Variants in KATNIP observed in about 807,000 individuals in gnomAD.
KATNIP encodes katanin interacting protein, also known as katanin-interacting protein.
Under a neutral mutation model 174.0 loss-of-function variants are expected in KATNIP, and 126 were observed. The ratio of observed to expected loss-of-function variants is 0.72; its 90% CI spans 0.63 to 0.84. The LOEUF (loss-of-function observed/expected upper bound fraction) is 0.84. Among genes scored for constraint, KATNIP ranks in the 40% least tolerant of loss-of-function variants. KATNIP has a pLI of 0.00. For synonymous variants in KATNIP, 810 were observed against 835.7 expected (o/e 0.97, Z 0.53); for missense variants, 1,958 against 2,109.7 (o/e 0.93, Z 1.41).
At chr16:27,614,545 G>A (rs1777019492) in intron 2 of KATNIP, among the ~76,000 whole-genome samples, 1 of 152,186 alleles carries the variant, frequency 6.6e-6, no homozygotes, top group South Asian at 2.1e-4. Context: ...CTGGCCTGAA[G>A]CAGTCCTCCT....
chr16:27,661,292 G>C (rs915703757), intron 6 of KATNIP, among the ~76,000 whole-genome samples: 1 of 152,148 alleles, frequency 6.6e-6, no homozygotes, highest in Non-Finnish European at 1.5e-5. Context: ...GGGGATAGTA[G>C]CAGACAATCA....
chr16:27,713,813 T>TAC (rs2079772699), intron 13 of KATNIP, among the ~76,000 whole-genome samples: 1 of 20,708 alleles, frequency 4.8e-5, no homozygotes, highest in African/African-American at 3.4e-4. Context: ...TATATACATA[T>TAC]ATATATATAT....
chr16:27,758,480 A>G (rs1477689156), intron 18 of KATNIP, among the ~76,000 whole-genome samples: 2 of 152,168 alleles, frequency 1.3e-5, no homozygotes, highest in African/African-American at 2.4e-5. Flanking sequence ...TGGGAGCTTT[A>G]TAAGATGCAG....
chr16:27,589,526 T>C (rs2075103919), intron 2 of KATNIP, among the ~76,000 whole-genome samples: 1 of 152,220 alleles, frequency 6.6e-6, no homozygotes, highest in African/African-American at 2.4e-5. Context: ...TTGTTTGGCT[T>C]ATGTGGTGGG....
In KATNIP at chr16:27,780,284, A is replaced by C. The variant is rs770755148; in HGVS notation, c.*1655A>C. The C allele has an allele frequency of 1.3e-4, 20 of 152,174 alleles. No individual in the cohort carries two copies. The highest frequency in any genetic ancestry group is 2.4e-4 in the Non-Finnish European group (16 of 68,034). The allele number at this position is 152,174 out of a possible 1,614,324, so 9.4% of individuals were successfully genotyped here. On this transcript the variant is annotated 3_prime_UTR_variant, in exon 28 of 28. Coordinates refer to ENST00000261588, the MANE Select transcript of KATNIP (RefSeq NM_015202.5). Reference sequence around the variant, plus strand: ...TATGTACTGTGCAATTTAGGAGGGGAAAAAAAGGCTGTACAAGCTTTAACT... The same window carrying C: ...TATGTACTGTGCAATTTAGGAGGGGCAAAAAAGGCTGTACAAGCTTTAACT...
At chr16:27,692,617 G>A (rs1239326936) in intron 8 of KATNIP, among the ~76,000 whole-genome samples, 1 of 152,070 alleles carries the variant, frequency 6.6e-6, no homozygotes, top group Non-Finnish European at 1.5e-5. Context: ...CAGGCGAAGG[G>A]AAGAGCAGGG....
chr16:27,713,802 GTATATACATA>G (rs1454457997), intron 13 of KATNIP, among the ~76,000 whole-genome samples: 3 of 46,322 alleles, frequency 6.5e-5, no homozygotes, highest in East Asian at 5.8e-4. Context: ...GTGTGTGTGT[GTATATACATA>G]TATATATATA....
chr16:27,618,624 A>G (rs776964587), intron 3 of KATNIP, 123 bp downstream of exon 3: 81 of 663,030 alleles, frequency 1.2e-4, no homozygotes, highest in Non-Finnish European at 1.9e-4. Flanking sequence ...CTCCACTCAG[A>G]GGCTTAGAAT....
At chr16:27,626,080 G>A (rs1360662784) in intron 3 of KATNIP, among the ~76,000 whole-genome samples, 1 of 151,884 alleles carries the variant, frequency 6.6e-6, no homozygotes, top group East Asian at 1.9e-4. Context: ...AGAACGCCTG[G>A]GCTCAAGCAG....
At chr16:27,567,579 A>G (rs559268837) in intron 1 of KATNIP, among the ~76,000 whole-genome samples, 1 of 152,194 alleles carries the variant, frequency 6.6e-6, no homozygotes, top group African/African-American at 2.4e-5. Flanking sequence ...GCTGGAGTGC[A>G]GTGGCACGAT....
At chr16:27,753,427 C>G (rs1314077316) in intron 17 of KATNIP, among the ~76,000 whole-genome samples, 2 of 152,104 alleles carry the variant, frequency 1.3e-5, no homozygotes, top group East Asian at 1.9e-4. Context: ...CTGATGGGCC[C>G]AGCGCTGTGA....
At chr16:27,748,619 T>C (rs1261534785) in intron 15 of KATNIP, among the ~76,000 whole-genome samples, 1 of 149,156 alleles carries the variant, frequency 6.7e-6, no homozygotes, top group Non-Finnish European at 1.5e-5. Flanking sequence ...ATTTTTTTCT[T>C]GATGATAAAA....
chr16:27,671,559 G>C (rs1446426286), intron 6 of KATNIP, among the ~76,000 whole-genome samples: 1 of 152,176 alleles, frequency 6.6e-6, no homozygotes, highest in Non-Finnish European at 1.5e-5. Flanking sequence ...CTAGGTCAGA[G>C]GGTATGCATA....
rs1234449694 is a variant in KATNIP at position 27,637,606 on chromosome 16, G to A, written c.408+6444G>A. On this transcript the variant is annotated intron_variant, in intron 5 of 27. Transcript: ENST00000261588. The surrounding 1 kb of genome is among the most constrained non-coding windows in gnomAD (Gnocchi z 4.7). The stretch of plus-strand genomic sequence containing the variant: ...CAGCCCCGGAAAGATCTGTGGCTGG[G>A]GGAGGCTTTCAGGTGAGGGGACAGT... Among the ~76,000 whole-genome samples the A allele has an allele frequency of 1.3e-5, 2 of 152,162 alleles. No individual in the cohort carries two copies. The highest frequency in any genetic ancestry group is 2.9e-5 in the Non-Finnish European group (2 of 68,012).
intron 18 of KATNIP, among the ~76,000 whole-genome samples, chr16:27,756,286 A>G (rs1274672625): frequency 2.6e-5 from 4 of 152,210 alleles, no homozygotes; most frequent in African/African-American, 9.7e-5. Flanking sequence ...CGCACTCTCA[A>G]TTACTTTCGA....
In KATNIP at chr16:27,704,136, T is replaced by C. The variant is rs1243629407; in HGVS notation, c.1389+138T>C. On this transcript the variant is annotated intron_variant, in intron 12 of 27. Transcript: ENST00000261588. ...GTGTTTCCACCGCCCCCCCCCTCCC[T>C]GGCACACAGAGGTATATATGATGAA... 4.5e-6 allele frequency: 3 copies of C among 663,264 alleles called. No individual in the cohort carries two copies. The South Asian group carries it at 5.4e-5, about 12-fold the overall frequency. The allele number at this position is 663,264 out of a possible 1,614,324, so 41.1% of individuals were successfully genotyped here. A position where few individuals can be genotyped will look rare whatever the true frequency, so the allele number is the denominator to read the frequency against.
chr16:27,648,424 TGAG>T (rs2077023958), intron 5 of KATNIP, among the ~76,000 whole-genome samples, 177 bp from the exon 6 acceptor site: 1 of 152,178 alleles, frequency 6.6e-6, no homozygotes, highest in African/African-American at 2.4e-5. Context: ...CTGGCCCGGA[TGAG>T]GAGGAGGCCT....
chr16:27,570,625 G>A (rs565945587), intron 1 of KATNIP, among the ~76,000 whole-genome samples: 1 of 152,100 alleles, frequency 6.6e-6, no homozygotes, highest in Non-Finnish European at 1.5e-5. Flanking sequence ...AGGCATGCAA[G>A]AATTGGGCTG....
At chr16:27,561,805 A>C (rs1487597561) in intron 1 of KATNIP, among the ~76,000 whole-genome samples, 1 of 152,192 alleles carries the variant, frequency 6.6e-6, no homozygotes, top group East Asian at 1.9e-4. Flanking sequence ...AACTTGACAG[A>C]TGTCGCCTAG....
Sources: allele counts gnomAD v4.1 joint callset (sites outside exome capture counted in the v4.1 genomes callset), GRCh38; gene constraint gnomAD v4.1.1; non-coding constraint Gnocchi (gnomAD v3.1); transcripts MANE v1.5; gene names NCBI Gene and HGNC (gene_info 2026-07-23, HGNC 2026-07-21).